The following MAP2 variants were observed in gnomAD, a reference collection of about 807,000 sequenced individuals.
The protein encoded by MAP2 is microtubule associated protein 2.
In MAP2, 14 loss-of-function variants were observed where a neutral mutation model predicts 137.6. That is an observed-to-expected ratio of 0.10 (90% CI 0.07 to 0.16). The LOEUF is 0.16. Ranked by LOEUF, MAP2 falls within the 10% of genes least tolerant of loss-of-function variation. MAP2 has a pLI of 1.00. For synonymous variants in MAP2, 786 were observed against 782.3 expected, an observed-to-expected ratio of 1.00 and a Z score of -0.08; for missense variants, 2,088 against 2,191.5, an observed-to-expected ratio of 0.95 and a Z score of 0.94.
intron 1 of MAP2, among the ~76,000 whole-genome samples, chr2:209,505,816 A>G (rs958280940): frequency 5.9e-5 from 9 of 152,002 alleles, no homozygotes; most frequent in African/African-American, 2.2e-4. Flanking sequence ...TACAAAAAAT[A>G]CAAAACTTAG....
rs201147875 is a variant in MAP2, at chr2:209,626,725, CCAA to C, written c.-30+1597_-30+1599del. 2.7e-4 allele frequency among the ~76,000 whole-genome samples: 41 copies of C among 152,208 alleles called. No individual in the cohort carries two copies. In the East Asian group the frequency reaches 7.9e-3, roughly 29 times the overall value. On this transcript the variant is annotated intron_variant, in intron 4 of 15. Coordinates refer to ENST00000682079, the MANE Select transcript of MAP2 (RefSeq NM_001375505.1). ...ATATTCTTTTGCATCTCATCTTTAC[CCAA>C]TATTATATGTAGAGATTCTTTCATA...
chr2:209,614,593 G>A (rs2088415316), intron 3 of MAP2, among the ~76,000 whole-genome samples: 1 of 152,120 alleles, frequency 6.6e-6, no homozygotes, highest in African/African-American at 2.4e-5. Context: ...TTGCTTTTAT[G>A]TTGATATATT....
chr2:209,642,032 C>A (rs1181624032), intron 4 of MAP2, among the ~76,000 whole-genome samples: 1 of 152,160 alleles, frequency 6.6e-6, no homozygotes, highest in Admixed American at 6.6e-5. Flanking sequence ...GATTTGACTT[C>A]TCCTTCCAGA....
intron 4 of MAP2, among the ~76,000 whole-genome samples, chr2:209,643,949 T>TG (rs2094219069): frequency 1.3e-5 from 2 of 152,212 alleles, no homozygotes; most frequent in African/African-American, 4.8e-5. Flanking sequence ...TCTATAGGGA[T>TG]GTTCCATGTG....
chr2:209,702,245 G>A (rs1482100070), intron 11 of MAP2, among the ~76,000 whole-genome samples: 1 of 151,902 alleles, frequency 6.6e-6, no homozygotes, highest in Non-Finnish European at 1.5e-5. Flanking sequence ...CATAGGCATC[G>A]TCTGACACAA....
At chr2:209,454,863 T>C (rs1445240628) in intron 1 of MAP2, among the ~76,000 whole-genome samples, 2 of 152,174 alleles carry the variant, frequency 1.3e-5, no homozygotes, top group Admixed American at 6.5e-5. Context: ...CAAAATACCA[T>C]AGATTGTGTG....
chr2:209,679,584 A>G (rs1475480387), intron 6 of MAP2, among the ~76,000 whole-genome samples: 1 of 152,094 alleles, frequency 6.6e-6, no homozygotes, highest in Non-Finnish European at 1.5e-5. Context: ...TATATCCATG[A>G]TATTTGATTT....
intron 1 of MAP2, among the ~76,000 whole-genome samples, chr2:209,429,960 A>G (rs1164646069): frequency 6.6e-6 from 1 of 151,898 alleles, no homozygotes; most frequent in East Asian, 1.9e-4. Context: ...ACATTTTACT[A>G]TTTTATTTGG....
At chr2:209,606,751 A>G (rs1213574111) in intron 3 of MAP2, among the ~76,000 whole-genome samples, 1 of 152,118 alleles carries the variant, frequency 6.6e-6, no homozygotes, top group Non-Finnish European at 1.5e-5. Flanking sequence ...GAGTCATTTG[A>G]TTTTGCATAT....
rs1187072717 is a variant in MAP2 at position 209,731,618 on chromosome 2, C to A, written c.*1221C>A. 2 of 152,124 alleles carry A rather than the reference C, an allele frequency of 1.3e-5. No individual in the cohort carries two copies. Among genetic ancestry groups the A allele is most frequent in the African/African-American group, 2.4e-5 (1 of 41,234 alleles). The allele number at this position is 152,124 out of a possible 1,614,324, so 9.4% of individuals were successfully genotyped here. On this transcript the variant is annotated 3_prime_UTR_variant, in exon 16 of 16. Transcript: ENST00000682079. ...TCATGAAACCGACTTAAGATTTTTT[C>A]TTTATTTTTCTTTTTTTTTCCATTT...
chr2:209,714,201 CAATA>C (rs899736929), intron 13 of MAP2, among the ~76,000 whole-genome samples: 1 of 151,952 alleles, frequency 6.6e-6, no homozygotes, highest in African/African-American at 2.4e-5. Flanking sequence ...AACTCTGTCT[CAATA>C]AATAAATAAA....
intron 3 of MAP2, among the ~76,000 whole-genome samples, chr2:209,587,452 G>A (rs1357280767): frequency 2.6e-5 from 4 of 152,096 alleles, no homozygotes. Context: ...TGAGGGATTT[G>A]TCAGAACTCT....
intron 2 of MAP2, among the ~76,000 whole-genome samples, chr2:209,578,753 T>A (rs1321389482): frequency 6.6e-6 from 1 of 152,202 alleles, no homozygotes; most frequent in Non-Finnish European, 1.5e-5. Context: ...ATTCAACTGC[T>A]AATTTCAGTT....
intron 10 of MAP2, among the ~76,000 whole-genome samples, chr2:209,698,710 G>A (rs1254208006): frequency 6.6e-6 from 1 of 152,212 alleles, no homozygotes; most frequent in Non-Finnish European, 1.5e-5. Context: ...GAAGCTAGGA[G>A]TTAGGAATTA....
At chr2:209,716,789 A>C (rs1413619766) in intron 13 of MAP2, among the ~76,000 whole-genome samples, 2 of 152,188 alleles carry the variant, frequency 1.3e-5, no homozygotes, top group Non-Finnish European at 2.9e-5. Context: ...TTGTTTTTGT[A>C]TATAGCACCA....
chr2:209,596,827 T>C (rs2081417830), intron 3 of MAP2, among the ~76,000 whole-genome samples: 1 of 152,210 alleles, frequency 6.6e-6, no homozygotes, highest in African/African-American at 2.4e-5. Flanking sequence ...GCTGGCACAA[T>C]TTACAAGTCT....
Position 209,630,914 on chromosome 2 carries a change from G to A in MAP2, c.-30+5785G>A, listed in dbSNP as rs189738679. On this transcript the variant is annotated intron_variant, in intron 4 of 15. Transcript: ENST00000682079. Reference sequence around the variant, plus strand: ...TATTGGTTGGTGCTCAGAAACTGAGGATGTTTATAAGCCCTTAAAAGTCTT... The same window carrying A: ...TATTGGTTGGTGCTCAGAAACTGAGAATGTTTATAAGCCCTTAAAAGTCTT... 6.7e-3 allele frequency among the ~76,000 whole-genome samples: 963 copies of A among 144,794 alleles called. 5 individuals carry two copies. The highest frequency in any genetic ancestry group is 0.011 in the Middle Eastern group (3 of 272). 95.0% of individuals were successfully genotyped at this position (144,794 alleles called of 152,430 possible).
chr2:209,447,048 G>T (rs1699240180), intron 1 of MAP2, among the ~76,000 whole-genome samples: 1 of 151,844 alleles, frequency 6.6e-6, no homozygotes, highest in Non-Finnish European at 1.5e-5. Flanking sequence ...CCCACATCTT[G>T]ATTTTTCTTT....
chr2:209,708,599 A>G (rs1054757664), intron 12 of MAP2, among the ~76,000 whole-genome samples: 3 of 152,180 alleles, frequency 2.0e-5, no homozygotes, highest in Admixed American at 6.6e-5. Context: ...AGAACTTCCT[A>G]TATTTATGAT....
Sources: allele counts gnomAD v4.1 joint callset (sites outside exome capture counted in the v4.1 genomes callset), GRCh38; gene constraint gnomAD v4.1.1; transcripts MANE v1.5; gene names NCBI Gene and HGNC (gene_info 2026-07-23, HGNC 2026-07-21).